The following C12orf75 variants were observed in gnomAD, a reference collection of about 807,000 sequenced individuals.
C12orf75 encodes chromosome 12 open reading frame 75.
Under a neutral mutation model 11.4 loss-of-function variants are expected in C12orf75, and 4 were observed. The ratio of observed to expected loss-of-function variants is 0.35; its 90% CI spans 0.17 to 0.80. C12orf75 has a LOEUF of 0.80. Ranked by LOEUF, C12orf75 falls within the 30% of genes least tolerant of loss-of-function variation. The pLI is 0.52. For synonymous variants in C12orf75, 30 were observed against 30.0 expected (o/e 1.00, Z 0.00); for missense variants, 89 against 80.4 (o/e 1.11, Z -0.41).
chr12:105,351,699 G>A (rs1219225353), intron 2 of C12orf75, among the ~76,000 whole-genome samples: 4 of 152,180 alleles, frequency 2.6e-5, no homozygotes, highest in African/African-American at 4.8e-5. Flanking sequence ...AGGCATGGGA[G>A]TGCCAGAGGA....
intron 2 of C12orf75, among the ~76,000 whole-genome samples, chr12:105,354,204 A>T (rs1427948539): frequency 6.6e-6 from 1 of 152,134 alleles, no homozygotes; most frequent in African/African-American, 2.4e-5. Context: ...AAGCAGAGGG[A>T]CTTGTGTTTA....
intron 2 of C12orf75, among the ~76,000 whole-genome samples, chr12:105,354,932 C>G (rs927323377): frequency 2.6e-5 from 4 of 152,090 alleles, no homozygotes; most frequent in South Asian, 4.2e-4. Flanking sequence ...GCTGATGTTG[C>G]AATAAGAAAG....
intron 2 of C12orf75, among the ~76,000 whole-genome samples, chr12:105,364,950 T>C (rs918055802): frequency 5.3e-5 from 8 of 151,452 alleles, no homozygotes; most frequent in Admixed American, 5.3e-4. Context: ...CAAGGATTCC[T>C]GTGCCTCAGC....
intron 1 of C12orf75, among the ~76,000 whole-genome samples, chr12:105,342,142 G>A (rs569309750): frequency 2.6e-5 from 4 of 152,322 alleles, no homozygotes; most frequent in South Asian, 2.1e-4. Context: ...GTTTGAGTGC[G>A]TTCCCCAACA....
At chr12:105,367,617 A>AT (rs1323650939) in intron 5 of C12orf75, 108 bp downstream of exon 5, 3 of 332,612 alleles carry the variant, frequency 9.0e-6, no homozygotes, top group Non-Finnish European at 1.7e-5. Context: ...GAACTTTACA[A>AT]TTTAAAGGAG....
chr12:105,353,996 T>C (rs1019294430), intron 2 of C12orf75, among the ~76,000 whole-genome samples: 1 of 152,234 alleles, frequency 6.6e-6, no homozygotes, highest in African/African-American at 2.4e-5. Context: ...AAATCTTTTA[T>C]GTTGAGTTTC....
chr12:105,347,818 C>T (rs762758470), intron 1 of C12orf75, among the ~76,000 whole-genome samples: 3 of 152,226 alleles, frequency 2.0e-5, no homozygotes, highest in Non-Finnish European at 2.9e-5. Flanking sequence ...ATGCATGTGA[C>T]TCTTTTTGGA....
At position 105,370,724 on chromosome 12, in the gene C12orf75, C is replaced by T. The variant is rs1038399770; in HGVS notation, c.*124C>T. 11 of 457,612 alleles carry T rather than the reference C, an allele frequency of 2.4e-5. No homozygotes were observed. Among genetic ancestry groups the T allele is most frequent in the African/African-American group, 2.2e-4 (11 of 50,194 alleles). The allele number at this position is 457,612 out of a possible 1,614,324, so 28.3% of individuals were successfully genotyped here. On this transcript the variant is annotated 3_prime_UTR_variant, in exon 6 of 6. Transcript: ENST00000443585. The stretch of plus-strand genomic sequence containing the variant: ...GGAAATTCTAAACAGTCACCCTTCC[C>T]TTTTGCATTCCCCCAAATCTTAAGT...
chr12:105,335,011 T>C (rs560783261), intron 1 of C12orf75, among the ~76,000 whole-genome samples: 1 of 152,366 alleles, frequency 6.6e-6, no homozygotes, highest in Non-Finnish European at 1.5e-5. Context: ...ATCTCAGAAA[T>C]ATTCAGCTCA....
At chr12:105,332,009 G>A (rs964831964) in intron 1 of C12orf75, among the ~76,000 whole-genome samples, 1 of 152,178 alleles carries the variant, frequency 6.6e-6, no homozygotes, top group African/African-American at 2.4e-5. Flanking sequence ...TGGAGTTTAA[G>A]ACTCAATTTG....
chr12:105,334,895 T>C (rs963059734), intron 1 of C12orf75, among the ~76,000 whole-genome samples: 8 of 152,246 alleles, frequency 5.3e-5, no homozygotes, highest in African/African-American at 1.4e-4. Flanking sequence ...GAAATTCCTT[T>C]TTATGTAAAC....
intron 1 of C12orf75, among the ~76,000 whole-genome samples, chr12:105,344,455 G>A (rs1022293458): frequency 1.3e-5 from 2 of 152,138 alleles, no homozygotes; most frequent in African/African-American, 4.8e-5. Context: ...TAAATGTTGA[G>A]GACTCGGCCG....
chr12:105,346,231 A>G lies in C12orf75; in HGVS notation c.47-2371A>G, dbSNP rs79635028. Among the ~76,000 whole-genome samples the G allele has an allele frequency of 6.5e-3, 984 of 151,994 alleles. 11 individuals are homozygous for G. The highest frequency in any genetic ancestry group is 0.023 in the African/African-American group (943 of 41,426). ...TCGTACAGGTATTGATTGGCCTCTT[A>G]TGTCTCCCCATAACGTATGAAACCA... On this transcript the variant is annotated intron_variant, in intron 1 of 5. Transcript: ENST00000443585.
intron 1 of C12orf75, among the ~76,000 whole-genome samples, chr12:105,346,144 C>T (rs573835642): frequency 2.6e-5 from 4 of 152,264 alleles, no homozygotes; most frequent in African/African-American, 7.2e-5. Context: ...CCACCTATCA[C>T]CTGGAAACAA....
chr12:105,353,732 A>T (rs958008258), intron 2 of C12orf75: 3 of 152,258 alleles, frequency 2.0e-5, no homozygotes, highest in African/African-American at 7.2e-5. Context: ...AAGAAACAGT[A>T]TTAAATAAGT....
intron 2 of C12orf75, among the ~76,000 whole-genome samples, chr12:105,361,811 T>G (rs1177434127): frequency 6.6e-6 from 1 of 152,248 alleles, no homozygotes; most frequent in Non-Finnish European, 1.5e-5. Flanking sequence ...ACACAAGGGC[T>G]TGGACCTATC....
At chr12:105,331,448 A>C (rs890453091) in intron 1 of C12orf75, among the ~76,000 whole-genome samples, 2 of 152,132 alleles carry the variant, frequency 1.3e-5, no homozygotes, top group African/African-American at 4.8e-5. Context: ...GCAGAGCTGC[A>C]AAAACGCATC....
chr12:105,359,392 C>T (rs114465443), intron 2 of C12orf75, among the ~76,000 whole-genome samples: 131 of 152,242 alleles, frequency 8.6e-4, no homozygotes, highest in African/African-American at 3.1e-3. Flanking sequence ...CTCCCATTTT[C>T]CAGTTTTTAG....
rs560550838 is a variant in C12orf75 at position 105,330,740 on chromosome 12, C to T, written c.-152C>T. On this transcript the variant is annotated 5_prime_UTR_variant, in exon 1 of 6. Transcript: ENST00000443585. The stretch of plus-strand genomic sequence containing the variant: ...CCGCTGCGCCCCGGGCCGCGTCTCC[C>T]GGCGGTGGGAGGGGGCGGCCCCCAC... 3 of 724,824 alleles carry T rather than the reference C, an allele frequency of 4.1e-6. No homozygotes were observed. The highest frequency in any genetic ancestry group is 4.8e-5 in the Admixed American group (1 of 20,656). 44.9% of individuals were successfully genotyped at this position (724,824 alleles called of 1,614,324 possible).
Sources: allele counts gnomAD v4.1 joint callset (sites outside exome capture counted in the v4.1 genomes callset), GRCh38; gene constraint gnomAD v4.1.1; transcripts MANE v1.5; gene names NCBI Gene and HGNC (gene_info 2026-07-23, HGNC 2026-07-21).